Variants in EIF4G3 observed in about 807,000 individuals in gnomAD.
The protein encoded by EIF4G3 is eIF-4-gamma 3.
EIF4G3 carries 34 observed loss-of-function variants against 186.4 expected under a neutral mutation model. The observed-to-expected ratio is 0.18, with a 90% CI of 0.14 to 0.24. The LOEUF (loss-of-function observed/expected upper bound fraction) is 0.24, where lower values mean the gene tolerates loss of function less well. EIF4G3 is among the 10% of genes least tolerant of loss of function. The pLI is 1.00. For missense variants in EIF4G3, 1,536 were observed against 1,948.5 expected, an observed-to-expected ratio of 0.79 and a Z score of 3.99; for synonymous variants, 673 against 679.5, an observed-to-expected ratio of 0.99 and a Z score of 0.15.
rs1003950259 is a variant in EIF4G3, at chr1:20,895,641, T to C, written c.2000-140A>G. 4.4e-6 allele frequency: 4 copies of C among 911,542 alleles called. No homozygotes were observed. The African/African-American group carries it at 6.6e-5, about 15-fold the overall frequency. The allele number at this position is 911,542 out of a possible 1,614,324, so 56.5% of individuals were successfully genotyped here. The stretch of plus-strand genomic sequence containing the variant: ...ATAGCCCATAAGGCTATAATGAAGC[T>C]GAAAGGTTCCTATTGCCTAATGACA... On this transcript the variant is annotated intron_variant, in intron 16 of 36. Transcript: ENST00000602326.
intron 14 of EIF4G3, among the ~76,000 whole-genome samples, chr1:20,939,912 C>T (rs1333908338): frequency 7.9e-5 from 10 of 126,828 alleles, no homozygotes; most frequent in East Asian, 5.4e-4. Flanking sequence ...TGGAGTGTGG[C>T]GGCACGATCT....
intron 17 of EIF4G3, 113 bp from the exon 18 acceptor site, chr1:20,893,749 C>T: frequency 8.1e-7 from 1 of 1,230,350 alleles, no homozygotes; most frequent in Non-Finnish European, 1.1e-6. Flanking sequence ...TAAGCACCAG[C>T]TTTGGAACCC....
chr1:20,863,991 A>G (rs922057118), intron 22 of EIF4G3, among the ~76,000 whole-genome samples: 2 of 152,154 alleles, frequency 1.3e-5, no homozygotes, highest in African/African-American at 4.8e-5. Flanking sequence ...GATGTTATGG[A>G]GCGTTTCTGA....
intron 11 of EIF4G3, among the ~76,000 whole-genome samples, chr1:20,970,292 G>A (rs543721616): frequency 2.6e-5 from 4 of 152,144 alleles, no homozygotes; most frequent in Non-Finnish European, 5.9e-5. Context: ...CTGGAAAAAG[G>A]TTGATCGAGA....
At chr1:20,909,536 A>C (rs2092836283) in intron 14 of EIF4G3, among the ~76,000 whole-genome samples, 1 of 152,204 alleles carries the variant, frequency 6.6e-6, no homozygotes. Context: ...GTTAAAAAAA[A>C]CACCTATGTG....
At chr1:21,014,765 C>T (rs1418284910) in intron 4 of EIF4G3, among the ~76,000 whole-genome samples, 1 of 149,568 alleles carries the variant, frequency 6.7e-6, no homozygotes, top group Middle Eastern at 3.4e-3. Context: ...TCCCTAGTAG[C>T]TGGGATAAGA....
At chr1:20,861,263 C>T (rs1190110302) in intron 23 of EIF4G3, among the ~76,000 whole-genome samples, 2 of 152,124 alleles carry the variant, frequency 1.3e-5, no homozygotes, top group Non-Finnish European at 2.9e-5. Flanking sequence ...TAGTGTAGGG[C>T]TTGATGTAGT....
intron 4 of EIF4G3, among the ~76,000 whole-genome samples, chr1:21,044,278 T>C (rs920763626): frequency 6.6e-6 from 1 of 152,180 alleles, no homozygotes; most frequent in Admixed American, 6.5e-5. Context: ...ACAAATAACA[T>C]GACTTTGCAA....
intron 2 of EIF4G3, among the ~76,000 whole-genome samples, chr1:21,136,817 T>C (rs933938161): frequency 6.6e-6 from 1 of 152,286 alleles, no homozygotes; most frequent in East Asian, 1.9e-4. Flanking sequence ...CTTGAATATA[T>C]TACAGAACTG....
At chr1:20,930,943 T>C (rs2320546) in intron 14 of EIF4G3, among the ~76,000 whole-genome samples, 148,429 of 151,942 alleles carry the variant, frequency 0.98, 72,578 homozygotes, top group Middle Eastern at 1. Flanking sequence ...TGAGCTCAAA[T>C]GATCATCCCA....
intron 12 of EIF4G3, among the ~76,000 whole-genome samples, chr1:20,961,506 G>A (rs970262789): frequency 1.3e-5 from 2 of 152,126 alleles, no homozygotes; most frequent in African/African-American, 4.8e-5. Flanking sequence ...TATGCTAGGA[G>A]CATTTGAATT....
intron 7 of EIF4G3, among the ~76,000 whole-genome samples, chr1:20,996,659 CAATCATAT>C (rs2082345904): frequency 6.6e-6 from 1 of 152,142 alleles, no homozygotes; most frequent in African/African-American, 2.4e-5. Context: ...TGTTCCATAA[CAATCATAT>C]TAAAGACAGT....
At chr1:21,145,435 CTT>C (rs369144943) in intron 2 of EIF4G3, among the ~76,000 whole-genome samples, 3 of 144,808 alleles carry the variant, frequency 2.1e-5, no homozygotes. Context: ...TATTTTATGC[CTT>C]TTTTTTTTTT....
intron 2 of EIF4G3, among the ~76,000 whole-genome samples, chr1:21,121,937 G>C (rs1452600123): frequency 6.6e-6 from 1 of 152,062 alleles, no homozygotes; most frequent in East Asian, 1.9e-4. Flanking sequence ...TGTAAGGTAG[G>C]TTACCTTATG....
chr1:20,857,586 A>G lies in EIF4G3; in HGVS notation c.3245-89T>C, dbSNP rs991471689. The G allele has an allele frequency of 1.8e-5, 20 of 1,081,852 alleles. No homozygotes were observed. The East Asian group carries it at 4.7e-4, about 25-fold the overall frequency. 67.0% of individuals were successfully genotyped at this position (1,081,852 alleles called of 1,614,324 possible). On this transcript the variant is annotated intron_variant, in intron 24 of 36. Transcript: ENST00000602326. ...AGCAATATTTTCATCAAAACCAAGG[A>G]GAAAGACAACAGAAGATGTTAAAGC...
In EIF4G3 at chr1:21,003,824, C is replaced by A; in HGVS notation, c.-66-1016G>T. 6 of 379,272 alleles carry A rather than the reference C, an allele frequency of 1.6e-5. 1 individual carries two copies. Among genetic ancestry groups the A allele is most frequent in the South Asian group, 1.3e-4 (6 of 46,960 alleles). 23.5% of individuals were successfully genotyped at this position (379,272 alleles called of 1,614,324 possible). On this transcript the variant is annotated intron_variant, in intron 4 of 36. Transcript: ENST00000602326. ...TGTAAATTGCCTTATCATGCCTCAT[C>A]ATCATGGTTAGAAACAGGAAAGCAT... is the stretch of plus-strand genomic sequence containing the variant.
intron 3 of EIF4G3, among the ~76,000 whole-genome samples, chr1:21,071,735 G>A (rs1164933799): frequency 6.6e-6 from 1 of 151,772 alleles, no homozygotes; most frequent in Non-Finnish European, 1.5e-5. Context: ...GAACCCAGGA[G>A]GCGGAGATTG....
At chr1:20,814,768 TCCCCCTCC>T (rs2060065646) in intron 34 of EIF4G3, among the ~76,000 whole-genome samples, 4 of 12,026 alleles carry the variant, frequency 3.3e-4, no homozygotes, top group African/African-American at 3.4e-4. Flanking sequence ...CCCCTCCCCC[TCCCCCTCC>T]CCCTCCCCCT....
At chr1:21,058,348 C>T (rs973456555) in intron 3 of EIF4G3, among the ~76,000 whole-genome samples, 1 of 152,090 alleles carries the variant, frequency 6.6e-6, no homozygotes, top group African/African-American at 2.4e-5. Flanking sequence ...AGCAGTGCTA[C>T]TTCTTCAAAA....
Sources: allele counts gnomAD v4.1 joint callset (sites outside exome capture counted in the v4.1 genomes callset), GRCh38; gene constraint gnomAD v4.1.1; transcripts MANE v1.5; gene names NCBI Gene and HGNC (gene_info 2026-07-23, HGNC 2026-07-21).